Variants in ZNF318 observed in about 807,000 individuals in gnomAD.
ZNF318 encodes the protein endocrine regulator.
In ZNF318, 51 loss-of-function variants were observed where a neutral mutation model predicts 124.2. That is an observed-to-expected ratio of 0.41 (90% CI 0.33 to 0.52). The LOEUF (loss-of-function observed/expected upper bound fraction) is 0.52, where lower values mean the gene tolerates loss of function less well. Among genes scored for constraint, ZNF318 ranks in the 20% least tolerant of loss-of-function variants. The pLI is 0.23. For synonymous variants in ZNF318, 1,090 were observed against 1,040.7 expected (o/e 1.05, Z -0.91); for missense variants, 2,815 against 2,811.2 (o/e 1.00, Z -0.03).
At chr6:43,344,552 C>T (rs939978182) in intron 6 of ZNF318, among the ~76,000 whole-genome samples, 2 of 152,164 alleles carry the variant, frequency 1.3e-5, no homozygotes, top group African/African-American at 4.8e-5. Context: ...ATATGTAAAT[C>T]GGCATACAGC....
In ZNF318 at chr6:43,338,725, T is replaced by C. The variant is rs200274879; in HGVS notation, c.5273A>G (p.Asp1758Gly). The part of the protein sequence containing the change: ...EIHLRESVNQ[D>G]KESQELRKSE... Reference sequence around the variant, plus strand: ...TTTACGGAGCTCTTGGCTTTCCTTATCCTGGTTAACAGATTCTCTGAGGTG... The same window carrying C: ...TTTACGGAGCTCTTGGCTTTCCTTACCCTGGTTAACAGATTCTCTGAGGTG... Residue 1758 changes from aspartate to glycine, a missense_variant, in exon 10 of 10, where the codon GAT becomes GGT. Physicochemically the swap from Asp to Gly is moderately conservative, Grantham distance 94. This residue lies in a region of ZNF318 where 927 missense variants were observed against 820.6 expected (regional missense o/e 1.13). Transcript: ENST00000361428. 3 of 1,614,218 alleles carry C rather than the reference T, an allele frequency of 1.9e-6. No individual in the cohort carries two copies. The highest frequency in any genetic ancestry group is 3.3e-5 in the Admixed American group (2 of 60,024).
intron 5 of ZNF318, 53 bp downstream of exon 5, chr6:43,352,324 G>C: frequency 8.1e-7 from 1 of 1,239,020 alleles, no homozygotes; most frequent in Non-Finnish European, 1.1e-6. Context: ...TACCAAATTT[G>C]GGTCTCCTAC....
intron 2 of ZNF318, among the ~76,000 whole-genome samples, chr6:43,361,089 A>G (rs1442644127): frequency 6.6e-6 from 1 of 152,228 alleles, no homozygotes; most frequent in Admixed American, 6.5e-5. Context: ...TACAAATTAC[A>G]TCTCGATAAA....
At chr6:43,368,130 TCAA>T (rs1280043392) in intron 1 of ZNF318, among the ~76,000 whole-genome samples, 1 of 152,202 alleles carries the variant, frequency 6.6e-6, no homozygotes, top group Non-Finnish European at 1.5e-5. Flanking sequence ...TGGTTAAAGG[TCAA>T]CATTATTTCT....
chr6:43,339,157 G>C lies in ZNF318; in HGVS notation c.4841C>G (p.Ser1614Cys), dbSNP rs761190282. 6.2e-7 allele frequency: 1 copy of C among 1,614,200 alleles called. No homozygotes were observed. The highest frequency in any genetic ancestry group is 1.1e-5 in the South Asian group (1 of 91,088). The change falls in exon 10 of 10, where the codon TCT becomes TGT. Residue 1614 changes from serine to cysteine, a missense_variant. By Grantham distance (112) the Ser-to-Cys change is moderately radical (BLOSUM62 -1). Transcript: ENST00000361428. The surrounding 1 kb of genome is among the most constrained non-coding windows in gnomAD (Gnocchi z 4.2). ...TGCACTGCTGTTCAAAGGAGAAGTAGAAGAGGTGTCTGAACTTTTGGTTCT... is the reference window on the plus strand; with the variant it reads ...TGCACTGCTGTTCAAAGGAGAAGTACAAGAGGTGTCTGAACTTTTGGTTCT... ...LSRTKSSDTS[S>C]TSPLNSSASQ...
chr6:43,364,272 C>T, intron 2 of ZNF318: 1 of 501,416 alleles, frequency 2.0e-6, no homozygotes, highest in Middle Eastern at 5.6e-4. Flanking sequence ...AGGACGTAGG[C>T]TCCAGCTGTG....
intron 1 of ZNF318, among the ~76,000 whole-genome samples, chr6:43,368,109 G>A (rs1779786192): frequency 6.6e-6 from 1 of 152,172 alleles, no homozygotes; most frequent in Admixed American, 6.5e-5. Context: ...GATCTCTTGG[G>A]GTGGTGGTTA....
intron 5 of ZNF318, 102 bp downstream of exon 5, chr6:43,352,275 T>A (rs992123825): frequency 2.0e-4 from 108 of 546,266 alleles, no homozygotes; most frequent in Non-Finnish European, 2.6e-4. Flanking sequence ...CAAAAAAAAA[T>A]TTTTAATGAA....
At chr6:43,368,712 G>A (rs1011918527) in intron 1 of ZNF318, 2 of 985,300 alleles carry the variant, frequency 2.0e-6, no homozygotes, top group African/African-American at 3.5e-5. Context: ...CACCTCACCC[G>A]GCATGAGAGA....
rs1469929388 is a variant in ZNF318, at chr6:43,339,738, A to C, written c.4260T>G (p.Ser1420=). The part of the protein sequence containing the change: ...FGGEEVILKG[S]PEEKVVLAEK... Reference sequence around the variant, plus strand: ...CAGCCAACACCACTTTTTCCTCTGGAGACCCTTTTAGAATCACCTCTTCCC... The same window carrying C: ...CAGCCAACACCACTTTTTCCTCTGGCGACCCTTTTAGAATCACCTCTTCCC... The change falls in exon 10 of 10, where the codon TCT becomes TCG. Residue 1420 remains serine (S), a synonymous_variant. Transcript: ENST00000361428. The surrounding 1 kb of genome is among the most constrained non-coding windows in gnomAD (Gnocchi z 4.2). The C allele has an allele frequency of 6.2e-7, 1 of 1,614,116 alleles. No individual in the cohort carries two copies. The highest frequency in any genetic ancestry group is 1.1e-5 in the South Asian group (1 of 91,080).
At position 43,357,467 on chromosome 6, in the gene ZNF318, T is replaced by G; in HGVS notation, c.847A>C (p.Asn283His). The G allele has an allele frequency of 6.2e-7, 1 of 1,614,198 alleles. No individual in the cohort carries two copies. The highest frequency in any genetic ancestry group is 8.5e-7 in the Non-Finnish European group (1 of 1,180,022). The change falls in exon 3 of 10, where the codon AAC becomes CAC. Residue 283 changes from asparagine (N) to histidine (H), a missense_variant. This residue lies in a region of ZNF318 where 1,377 missense variants were observed against 1,353.5 expected (regional missense o/e 1.02). Transcript: ENST00000361428. ...RPRYDDTVKI[N>H]SMGGDHPSFT... ...CTTGGGTGATCCCCTCCCATGCTGT[T>G]TATCTTCACTGTGTCATCATAACGG...
Position 43,355,038 on chromosome 6 carries a change from C to A in ZNF318, c.2296G>T (p.Ala766Ser). 1.2e-6 allele frequency: 2 copies of A among 1,613,796 alleles called. No individual in the cohort carries two copies. The highest frequency in any genetic ancestry group is 1.7e-6 in the Non-Finnish European group (2 of 1,179,810). Residue 766 changes from alanine to serine, a missense_variant, in exon 4 of 10, where the codon GCC becomes TCC. Around this residue, in one of 4 missense-constraint regions of ZNF318, gnomAD observed 1,377 missense variants for 1,353.5 expected, o/e 1.02. Transcript: ENST00000361428. ...ATCCGAGCTGCAGCAAACTGAGAGG[C>A]CCTTGGCATGTGAAACTGAGATAAA... The part of the protein sequence containing the change: ...AALSQFHMPR[A>S]SQFAAARIPP...
In ZNF318 at chr6:43,336,428, A is replaced by T. The variant is rs577881056; in HGVS notation, c.*730T>A. Reference sequence around the variant, plus strand: ...CTGCTCCTGGCAATGAACCATGAATAAGCCTTACCGATTTGTCGTCTTCTA... The same window carrying T: ...CTGCTCCTGGCAATGAACCATGAATTAGCCTTACCGATTTGTCGTCTTCTA... On this transcript the variant is annotated 3_prime_UTR_variant, in exon 10 of 10. Transcript: ENST00000361428. 6.6e-6 allele frequency: 1 copy of T among 152,442 alleles called. No homozygotes were observed. Among genetic ancestry groups the T allele is most frequent in the East Asian group, 1.9e-4 (1 of 5,192 alleles). The allele number at this position is 152,442 out of a possible 1,614,324, so 9.4% of individuals were successfully genotyped here.
intron 1 of ZNF318, among the ~76,000 whole-genome samples, chr6:43,366,529 G>A (rs1472074297): frequency 6.6e-6 from 1 of 152,152 alleles, no homozygotes; most frequent in African/African-American, 2.4e-5. Context: ...AGGCATGGTA[G>A]CTTATGCCTG....
intron 4 of ZNF318, among the ~76,000 whole-genome samples, chr6:43,352,781 C>T (rs991034172): frequency 6.6e-6 from 1 of 152,196 alleles, no homozygotes; most frequent in African/African-American, 2.4e-5. Context: ...GATAAAGGAA[C>T]CATATGTGTT....
chr6:43,362,924 T>C (rs1359833598), intron 2 of ZNF318, among the ~76,000 whole-genome samples: 1 of 152,160 alleles, frequency 6.6e-6, no homozygotes. Context: ...GGACAGTAAT[T>C]ATCCACACAA....
At position 43,336,301 on chromosome 6, in the gene ZNF318, A is replaced by C. The variant is rs1374733396; in HGVS notation, c.*857T>G. On this transcript the variant is annotated 3_prime_UTR_variant, in exon 10 of 10. Coordinates refer to ENST00000361428, the MANE Select transcript of ZNF318 (RefSeq NM_014345.3). Reference sequence around the variant, plus strand: ...AGTTTCAGAGATCTTCTACCCCTTCACAACACAAATGGCTGCTAAACAATT... The same window carrying C: ...AGTTTCAGAGATCTTCTACCCCTTCCCAACACAAATGGCTGCTAAACAATT... The C allele has an allele frequency of 1.3e-5, 2 of 152,658 alleles. No individual in the cohort carries two copies. The highest frequency in any genetic ancestry group is 3.8e-4 in the East Asian group (2 of 5,198). The allele number at this position is 152,658 out of a possible 1,614,324, so 9.5% of individuals were successfully genotyped here.
rs901824146 is a variant in ZNF318, at chr6:43,355,567, A to G, written c.1767T>C (p.Tyr589=). The change falls in exon 4 of 10, where the codon TAT becomes TAC. Residue 589 remains tyrosine (Y), a synonymous_variant. Coordinates refer to ENST00000361428, the MANE Select transcript of ZNF318 (RefSeq NM_014345.3). The part of the protein sequence containing the change: ...LESLEETNPE[Y]AKIHDLLKTI... ...TCTTGAGCAAGTCATGGATCTTCGC[A>G]TATTCTGGATTGGTCTCTTCTAGTG... 7.4e-6 allele frequency: 12 copies of G among 1,614,040 alleles called. No homozygotes were observed. Among genetic ancestry groups the G allele is most frequent in the Admixed American group, 1.7e-5 (1 of 59,998 alleles).
Position 43,369,328 on chromosome 6 carries a change from T to C in ZNF318, c.38A>G (p.His13Arg). The C allele has an allele frequency of 7.4e-7, 1 of 1,344,268 alleles. No homozygotes were observed. The highest frequency in any genetic ancestry group is 9.6e-7 in the Non-Finnish European group (1 of 1,039,856). 83.3% of individuals were successfully genotyped at this position (1,344,268 alleles called of 1,614,324 possible). A position where few individuals can be genotyped will look rare whatever the true frequency, so the allele number is the denominator to read the frequency against. The change falls in exon 1 of 10, where the codon CAC becomes CGC. Residue 13 changes from histidine to arginine, a missense_variant. By Grantham distance (29) the His-to-Arg change is conservative. Coordinates refer to ENST00000361428, the MANE Select transcript of ZNF318 (RefSeq NM_014345.3). ...RSSARSSVSS[H>R]RPKDDGGGGP... ...GCCCCCGCCGTCGTCTTTAGGCCGG[T>C]GGGAAGAGACGGAGGAGCGAGCGCT...
Sources: gnomAD v4.1 joint callset for allele counts (sites outside exome capture counted in the v4.1 genomes callset) on GRCh38, gnomAD v4.1.1 for gene constraint, gnomAD v4.1.1 regional missense constraint, Gnocchi (gnomAD v3.1) non-coding constraint, MANE v1.5 for transcripts, NCBI Gene and HGNC (gene_info 2026-07-23, HGNC 2026-07-21) for gene names.